The following MFN2 variants were observed in gnomAD, a reference collection of about 807,000 sequenced individuals.
MFN2 encodes the protein mitofusin-2.
A neutral mutation model predicts 87.5 loss-of-function variants in MFN2; 43 were observed. The observed-to-expected ratio is 0.49, with a 90% CI of 0.38 to 0.63. MFN2 has a LOEUF of 0.63. MFN2 is among the 30% of genes least tolerant of loss of function. The probability of loss-of-function intolerance (pLI) is 0.00; values close to 1 mark genes in which losing one functional copy is unlikely to be tolerated. For missense variants in MFN2, 743 were observed against 972.8 expected (o/e 0.76, Z 3.14); for synonymous variants, 337 against 359.9 (o/e 0.94, Z 0.72).
chr1:12,004,706 G>A lies in MFN2; in HGVS notation c.1392+93G>A, dbSNP rs537131324. 2.7e-6 allele frequency: 4 copies of A among 1,497,402 alleles called. No individual in the cohort carries two copies. Among genetic ancestry groups the A allele is most frequent in the Non-Finnish European group, 3.7e-6 (4 of 1,075,978 alleles). 92.8% of individuals were successfully genotyped at this position (1,497,402 alleles called of 1,614,324 possible). Reference sequence around the variant, plus strand: ...GGGTCAGGGCCCCCCAGCAGTGACAGTAGAAGCCACAGAGACAAGGCCCAG... The same window carrying A: ...GGGTCAGGGCCCCCCAGCAGTGACAATAGAAGCCACAGAGACAAGGCCCAG... On this transcript the variant is annotated intron_variant, in intron 13 of 18. Transcript: ENST00000235329. This position sits in a 1 kb window ranked among gnomAD's most constrained non-coding sequence, Gnocchi z 4.2.
In MFN2 at chr1:12,002,088, C is replaced by T. The variant is rs201165591; in HGVS notation, c.1145C>T (p.Ala382Val). 6 of 1,614,212 alleles carry T rather than the reference C, an allele frequency of 3.7e-6. No homozygotes were observed. Among genetic ancestry groups the T allele is most frequent in the East Asian group, 4.5e-5 (2 of 44,890 alleles). The change falls in exon 11 of 19, where the codon GCG (alanine) becomes GTG (valine). Residue 382 changes from alanine to valine, a missense_variant. Around this residue, in one of 3 missense-constraint regions of MFN2, gnomAD observed 571 missense variants for 670.7 expected, o/e 0.85. Coordinates refer to ENST00000235329, the MANE Select transcript of MFN2 (RefSeq NM_014874.4). ...VRLIMDSLHM[A>V]AREQQVYCEE... is the part of the protein sequence containing the mutation. ...CTCATCATGGACTCCCTGCACATGGCGGCTCGGGAGCAGCAGTAAGAGTCC... is the reference window on the plus strand; with the variant it reads ...CTCATCATGGACTCCCTGCACATGGTGGCTCGGGAGCAGCAGTAAGAGTCC...
At position 11,999,816 on chromosome 1, in the gene MFN2, C is replaced by A. The variant is rs564816287; in HGVS notation, c.816+721C>A. On this transcript the variant is annotated intron_variant, in intron 8 of 18. Transcript: ENST00000235329. The stretch of plus-strand genomic sequence containing the variant: ...ATCTCCAAAAAAATAAAGGGTAGGC[C>A]GGGCGCGGTGGCTCACGCCTGTAAT... Among the ~76,000 whole-genome samples the A allele has an allele frequency of 6.7e-5, 10 of 149,302 alleles. No homozygotes were observed. The East Asian group carries it at 2.1e-3, about 32-fold the overall frequency.
At chr1:12,008,338 C>A (rs903582150) in intron 17 of MFN2, among the ~76,000 whole-genome samples, 1 of 151,484 alleles carries the variant, frequency 6.6e-6, no homozygotes, top group African/African-American at 2.4e-5. Context: ...GGCAGAGGCG[C>A]CCCCCACCTC....
chr1:12,011,457 A>G (rs1376662510), intron 18 of MFN2, 39 bp from the exon 19 acceptor site: 3 of 1,611,630 alleles, frequency 1.9e-6, no homozygotes, highest in Admixed American at 3.3e-5. Context: ...ACTGCCTATC[A>G]TCAGCTATCA....
intron 1 of MFN2, among the ~76,000 whole-genome samples, chr1:11,981,015 C>T (rs999232484): frequency 1.3e-5 from 2 of 152,226 alleles, no homozygotes; most frequent in African/African-American, 4.8e-5. Context: ...GCTGTTAAGA[C>T]GCACGAAGGC....
chr1:12,009,771 G>A (rs1265575976), intron 18 of MFN2, 45 bp downstream of exon 18: 1 of 1,613,344 alleles, frequency 6.2e-7, no homozygotes, highest in Non-Finnish European at 8.5e-7. Flanking sequence ...CCAGGGTGCA[G>A]CCCAGGCACA....
In MFN2 at chr1:12,001,451, G is replaced by T; in HGVS notation, c.867G>T (p.Leu289=). 1 of 1,614,018 alleles carries T rather than the reference G, an allele frequency of 6.2e-7. No homozygotes were observed. Among genetic ancestry groups the T allele is most frequent in the East Asian group, 2.2e-5 (1 of 44,886 alleles). The change falls in exon 9 of 19, where the codon CTG becomes CTT. Residue 289 remains leucine, a synonymous_variant. Coordinates refer to ENST00000235329, the MANE Select transcript of MFN2 (RefSeq NM_014874.4). ...GTACCAGCTTCCTGGTGGATGAGCTGGGCGTGGTGGATCGATCCCAGGCCG... is the reference window on the plus strand; with the variant it reads ...GTACCAGCTTCCTGGTGGATGAGCTTGGCGTGGTGGATCGATCCCAGGCCG... ...ERCTSFLVDE[L]GVVDRSQAGD...
chr1:12,006,537 G>C lies in MFN2; in HGVS notation c.1717-1G>C. On this transcript the variant is annotated splice_acceptor_variant, in intron 15 of 18. Coordinates refer to ENST00000235329, the MANE Select transcript of MFN2 (RefSeq NM_014874.4). LOFTEE classifies it high-confidence loss of function. ...CACCCCTCTCATGTTTCTCTCCTCA[G>C]GTCCAGCGTCCCATCCCTCTGACGC... The C allele has an allele frequency of 2.5e-6, 4 of 1,614,130 alleles. No individual in the cohort carries two copies. Among genetic ancestry groups the C allele is most frequent in the Non-Finnish European group, 3.4e-6 (4 of 1,180,044 alleles).
rs950932066 is a variant in MFN2 at position 12,006,603 on chromosome 1, C to A, written c.1782C>A (p.Leu594=). 6.2e-7 allele frequency: 1 copy of A among 1,614,242 alleles called. No homozygotes were observed. The highest frequency in any genetic ancestry group is 1.3e-5 in the African/African-American group (1 of 75,068). The stretch of plus-strand genomic sequence containing the variant: ...TGCCCCCACTGCCACAGGGCTCGCT[C>A]ACCCAGGAGGAGTTCATGGTTTCCA... ...PSMPPLPQGS[L]TQEEFMVSMV... Residue 594 remains leucine (L), a synonymous_variant, in exon 16 of 19, where the codon CTC becomes CTA. Coordinates refer to ENST00000235329, the MANE Select transcript of MFN2 (RefSeq NM_014874.4).
intron 15 of MFN2, 65 bp downstream of exon 15, chr1:12,005,996 G>A (rs914286817): frequency 1.2e-5 from 18 of 1,505,514 alleles, no homozygotes; most frequent in South Asian, 4.5e-5. Flanking sequence ...CTCCAGACAC[G>A]GGAACCATTC....
rs59353729 is a variant in MFN2, at chr1:12,002,919, G to A, written c.1160+816G>A. Among the ~76,000 whole-genome samples the A allele has an allele frequency of 3.1e-3, 467 of 152,276 alleles. 2 individuals carry two copies. The highest frequency in any genetic ancestry group is 0.011 in the African/African-American group (448 of 41,542). ...TGTCAGGTTTTTACATGCTTCAGAT[G>A]TACAGATGTGGCATCACACTGTCTG... On this transcript the variant is annotated intron_variant, in intron 11 of 18. Transcript: ENST00000235329.
At chr1:11,981,054 C>T (rs1225472637) in intron 1 of MFN2, among the ~76,000 whole-genome samples, 3 of 152,194 alleles carry the variant, frequency 2.0e-5, no homozygotes, top group Non-Finnish European at 1.5e-5. Flanking sequence ...CTCTCGTAAT[C>T]CTTCATTGCC....
chr1:11,981,885 C>T (rs897240385), intron 1 of MFN2, 85 bp from the exon 2 acceptor site: 3 of 151,398 alleles, frequency 2.0e-5, no homozygotes, highest in Admixed American at 1.3e-4. Flanking sequence ...GTTTGTTTGG[C>T]TTGAAACCTG....
At position 11,989,343 on chromosome 1, in the gene MFN2, G is replaced by T. The variant is rs1311434220; in HGVS notation, c.175G>T (p.Asp59Tyr). The T allele has an allele frequency of 1.9e-6, 3 of 1,613,724 alleles. No homozygotes were observed. The Admixed American group carries it at 5.0e-5, about 27-fold the overall frequency. The change falls in exon 3 of 19, where the codon GAC becomes TAC. Residue 59 changes from aspartate to tyrosine, a missense_variant and splice_region_variant. Asp to Tyr is a radical substitution (Grantham distance 160). Coordinates refer to ENST00000235329, the MANE Select transcript of MFN2 (RefSeq NM_014874.4). The stretch of plus-strand genomic sequence containing the variant: ...CCAGGAGAGCGCCACCTTCCTTGAA[G>T]GTAAGGGGGCACCGGCTCAGCCAGG... The part of the protein sequence containing the change: ...YIQESATFLE[D>Y]TYRNAELDPV...
rs2100826085 is a variant in MFN2, at chr1:11,997,306, C to A, written c.484C>A (p.Gln162Lys). 1 of 1,614,134 alleles carries A rather than the reference C, an allele frequency of 6.2e-7. No homozygotes were observed. Among genetic ancestry groups the A allele is most frequent in the Middle Eastern group, 1.6e-4 (1 of 6,062 alleles). Reference protein sequence around the residue: ...EEKRSAKTVNQLAHALHQDKQ... With the variant: ...EEKRSAKTVNKLAHALHQDKQ... ...CTTCCTCTGCCATCAGACTGTGAAC[C>A]AGCTGGCCCATGCCCTCCACCAGGA... Residue 162 changes from glutamine to lysine, a missense_variant, in exon 6 of 19, where the codon CAG becomes AAG. Gln to Lys is a moderately conservative substitution (Grantham distance 53). This residue lies in a region of MFN2 where 141 missense variants were observed against 278.9 expected (regional missense o/e 0.51). Transcript: ENST00000235329.
At position 12,007,146 on chromosome 1, in the gene MFN2, G is replaced by C; in HGVS notation, c.1966G>C (p.Ala656Pro). The change falls in exon 17 of 19, where the codon GCC (alanine) becomes CCC (proline). Residue 656 changes from alanine (A) to proline (P), a missense_variant. By Grantham distance (27) the Ala-to-Pro change is conservative (BLOSUM62 -1). Around this residue, in one of 3 missense-constraint regions of MFN2, gnomAD observed 571 missense variants for 670.7 expected, o/e 0.85. Coordinates refer to ENST00000235329, the MANE Select transcript of MFN2 (RefSeq NM_014874.4). ...VYERLTWTTK[A>P]KERAFKRQFV... ...TGAGCGTCTGACCTGGACCACCAAG[G>C]CCAAGGAGAGGGCCTTCAAGCGCCA... 1 of 1,614,204 alleles carries C rather than the reference G, an allele frequency of 6.2e-7. No individual in the cohort carries two copies. Among genetic ancestry groups the C allele is most frequent in the Non-Finnish European group, 8.5e-7 (1 of 1,180,038 alleles).
At chr1:11,981,719 C>T (rs1645987697) in intron 1 of MFN2, 1 of 152,376 alleles carries the variant, frequency 6.6e-6, no homozygotes, top group Non-Finnish European at 1.5e-5. Flanking sequence ...AGGGCTCCTG[C>T]AGGGACCTCC....
At chr1:12,006,376 G>T (rs1248639314) in intron 15 of MFN2, among the ~76,000 whole-genome samples, 162 bp from the exon 16 acceptor site, 1 of 152,106 alleles carries the variant, frequency 6.6e-6, no homozygotes, top group Non-Finnish European at 1.5e-5. Flanking sequence ...CTCACCTGAG[G>T]GTCTCCTCTG....
intron 6 of MFN2, among the ~76,000 whole-genome samples, chr1:11,998,086 G>A (rs565808541): frequency 2.6e-5 from 4 of 151,120 alleles, no homozygotes; most frequent in East Asian, 2.0e-4. Flanking sequence ...GTTTCACCAT[G>A]TTGGCCAGGC....
Sources: allele counts gnomAD v4.1 joint callset (sites outside exome capture counted in the v4.1 genomes callset), GRCh38; gene constraint gnomAD v4.1.1; regional missense constraint gnomAD v4.1.1; non-coding constraint Gnocchi (gnomAD v3.1); transcripts MANE v1.5; gene names NCBI Gene and HGNC (gene_info 2026-07-23, HGNC 2026-07-21).